Variants in HLCS observed in about 807,000 individuals in gnomAD.
HLCS encodes holocarboxylase synthetase, also known as biotin--protein ligase.
Under a neutral mutation model 75.0 loss-of-function variants are expected in HLCS, and 53 were observed. The ratio of observed to expected loss-of-function variants is 0.71; its 90% CI spans 0.57 to 0.89. The LOEUF (loss-of-function observed/expected upper bound fraction) is 0.89, where lower values mean the gene tolerates loss of function less well. Ranked by LOEUF, HLCS falls within the 40% of genes least tolerant of loss-of-function variation. The pLI, the probability that HLCS is intolerant of heterozygous loss-of-function variation, is 0.00. For synonymous variants in HLCS, 431 were observed against 428.6 expected (o/e 1.01, Z -0.07); for missense variants, 966 against 1,074.0 (o/e 0.90, Z 1.41).
At position 36,936,960 on chromosome 21, in the gene HLCS, G is replaced by T; in HGVS notation, c.926C>A (p.Pro309His). ...GRRVNLTGKA[P>H]NILLYVGSDS... is the part of the protein sequence containing the mutation. ...GGAGCCCACATAGAGGAGGATGTTG[G>T]GTGCCTTTCCCGTGAGGTTGACTCT... Residue 309 changes from proline to histidine, a missense_variant, in exon 4 of 11, where the codon CCC becomes CAC. By Grantham distance (77) the Pro-to-His change is moderately conservative. Transcript: ENST00000674895. 8 of 1,614,112 alleles carry T rather than the reference G, an allele frequency of 5.0e-6. No individual in the cohort carries two copies. The highest frequency in any genetic ancestry group is 6.8e-6 in the Non-Finnish European group (8 of 1,180,028).
intron 5 of HLCS, among the ~76,000 whole-genome samples, chr21:36,911,638 A>G (rs2065713367): frequency 6.7e-6 from 1 of 149,304 alleles, no homozygotes; most frequent in Non-Finnish European, 1.5e-5. Context: ...AGTCCCAGCT[A>G]CTTGGGAGGC....
intron 8 of HLCS, among the ~76,000 whole-genome samples, chr21:36,761,894 C>G (rs1203163881): frequency 1.3e-5 from 2 of 152,204 alleles, no homozygotes; most frequent in Admixed American, 1.3e-4. Flanking sequence ...TCCTCCGCCA[C>G]GTGCGTGGCA....
intron 6 of HLCS, among the ~76,000 whole-genome samples, chr21:36,846,198 G>C (rs1263154286): frequency 6.6e-6 from 1 of 152,186 alleles, no homozygotes; most frequent in Non-Finnish European, 1.5e-5. Context: ...CTCAGTAAAT[G>C]TTGGCTTTGT....
chr21:36,754,448 G>C (rs762828296), intron 10 of HLCS, 31 bp from the exon 11 acceptor site: 1 of 1,603,048 alleles, frequency 6.2e-7, no homozygotes, highest in African/African-American at 1.3e-5. Flanking sequence ...GCGGTCACTG[G>C]GAGGTGTCAC....
intron 6 of HLCS, among the ~76,000 whole-genome samples, chr21:36,769,153 A>C (rs899996942): frequency 6.6e-5 from 10 of 152,032 alleles, no homozygotes; most frequent in Non-Finnish European, 1.0e-4. Flanking sequence ...TTAAGGGAAC[A>C]TATGCACTAA....
chr21:36,941,547 G>A (rs575840820), intron 2 of HLCS, among the ~76,000 whole-genome samples: 21 of 152,168 alleles, frequency 1.4e-4, no homozygotes, highest in African/African-American at 2.4e-4. Context: ...TCTTTTCAAC[G>A]AATGGTACTG....
chr21:36,762,205 C>A (rs1015494914), intron 8 of HLCS, among the ~76,000 whole-genome samples: 4 of 152,186 alleles, frequency 2.6e-5, no homozygotes, highest in Admixed American at 6.5e-5. Context: ...CAAAGCCACA[C>A]GTGGTGGATA....
intron 6 of HLCS, among the ~76,000 whole-genome samples, chr21:36,793,634 C>T (rs946271080): frequency 6.6e-6 from 1 of 151,818 alleles, no homozygotes; most frequent in African/African-American, 2.4e-5. Flanking sequence ...ACTTTTAGCC[C>T]AAGAAGCAAA....
At chr21:36,858,200 C>T (rs761612993) in intron 6 of HLCS, among the ~76,000 whole-genome samples, 1 of 152,182 alleles carries the variant, frequency 6.6e-6, no homozygotes, top group Non-Finnish European at 1.5e-5. Flanking sequence ...AATCTTATCT[C>T]ATCAAGAGCA....
intron 6 of HLCS, among the ~76,000 whole-genome samples, chr21:36,818,180 A>AG (rs1287065004): frequency 6.6e-6 from 1 of 152,176 alleles, no homozygotes; most frequent in African/African-American, 2.4e-5. Flanking sequence ...AAAGTCGGTG[A>AG]GGGGGGCGGC....
At chr21:36,872,345 C>T (rs938703157) in intron 6 of HLCS, among the ~76,000 whole-genome samples, 2 of 150,748 alleles carry the variant, frequency 1.3e-5, no homozygotes, top group East Asian at 1.9e-4. Context: ...GAGCCGAGAT[C>T]GCACCAGTGC....
chr21:36,769,346 G>A (rs116063726), intron 6 of HLCS, among the ~76,000 whole-genome samples: 1,844 of 152,246 alleles, frequency 0.012, 35 homozygotes, highest in African/African-American at 0.041. Context: ...GGGCCAAACC[G>A]CATGGCTCAC....
intron 6 of HLCS, among the ~76,000 whole-genome samples, chr21:36,844,029 G>A (rs1406048215): frequency 6.6e-6 from 1 of 152,116 alleles, no homozygotes; most frequent in Non-Finnish European, 1.5e-5. Flanking sequence ...ATGTCAAAAT[G>A]ACTACTTATT....
chr21:36,940,886 G>A (rs551748250), intron 2 of HLCS, among the ~76,000 whole-genome samples: 3 of 152,300 alleles, frequency 2.0e-5, no homozygotes, highest in African/African-American at 4.8e-5. Flanking sequence ...TGCTGTTCTC[G>A]TGATAGTGAG....
Position 36,753,997 on chromosome 21 carries a change from G to T in HLCS, c.*249C>A. The stretch of plus-strand genomic sequence containing the variant: ...ACGTAAGTCCAAGCCACAGAGGGGA[G>T]AGCAATTTCCCACCTGTGGGAGGGC... On this transcript the variant is annotated 3_prime_UTR_variant, in exon 11 of 11. Coordinates refer to ENST00000674895, the MANE Select transcript of HLCS (RefSeq NM_001352514.2). This position sits in a 1 kb window ranked among gnomAD's most constrained non-coding sequence, Gnocchi z 4.3. 1 of 564,814 alleles carries T rather than the reference G, an allele frequency of 1.8e-6. No homozygotes were observed. The highest frequency in any genetic ancestry group is 3.2e-6 in the Non-Finnish European group (1 of 315,748). The allele number at this position is 564,814 out of a possible 1,614,324, so 35.0% of individuals were successfully genotyped here. A position where few individuals can be genotyped will look rare whatever the true frequency, so the allele number is the denominator to read the frequency against.
At chr21:36,866,959 T>C (rs2063579767) in intron 6 of HLCS, among the ~76,000 whole-genome samples, 1 of 152,096 alleles carries the variant, frequency 6.6e-6, no homozygotes, top group South Asian at 2.1e-4. Flanking sequence ...AAGGGGGCAG[T>C]TACCCTCCCT....
chr21:36,808,549 T>C (rs2061423561), intron 6 of HLCS, among the ~76,000 whole-genome samples: 2 of 152,212 alleles, frequency 1.3e-5, no homozygotes, highest in Admixed American at 1.3e-4. Flanking sequence ...CTTCTCACCA[T>C]CGAGGTCCGT....
chr21:36,878,916 T>C (rs1408010192), intron 6 of HLCS, among the ~76,000 whole-genome samples: 1 of 152,182 alleles, frequency 6.6e-6, no homozygotes, highest in Admixed American at 6.5e-5. Flanking sequence ...TCACTTACTC[T>C]TTATGTCACT....
At chr21:36,814,424 T>C (rs892419263) in intron 6 of HLCS, among the ~76,000 whole-genome samples, 7 of 152,222 alleles carry the variant, frequency 4.6e-5, no homozygotes, top group African/African-American at 1.7e-4. Flanking sequence ...AATTTCTTAG[T>C]ATGTCTCAAA....
Sources: allele counts gnomAD v4.1 joint callset (sites outside exome capture counted in the v4.1 genomes callset), GRCh38; gene constraint gnomAD v4.1.1; non-coding constraint Gnocchi (gnomAD v3.1); transcripts MANE v1.5; gene names NCBI Gene and HGNC (gene_info 2026-07-23, HGNC 2026-07-21).